NUFIP2: variants seen among roughly 807,000 people sequenced by gnomAD.
NUFIP2 encodes the protein nuclear FMR1 interacting protein 2, also known as FMR1-interacting protein NUFIP2.
NUFIP2 carries 6 observed loss-of-function variants against 56.9 expected under a neutral mutation model. The observed-to-expected ratio is 0.11, with a 90% CI of 0.06 to 0.21. The LOEUF is 0.21. Among genes scored for constraint, NUFIP2 ranks in the 10% least tolerant of loss-of-function variants. The pLI, the probability that NUFIP2 is intolerant of heterozygous loss-of-function variation, is 1.00. For synonymous variants in NUFIP2, 321 were observed against 298.2 expected (o/e 1.08, Z -0.79); for missense variants, 828 against 826.8 (o/e 1.00, Z -0.02).
At chr17:29,290,963 G>A (rs2069208405) in intron 1 of NUFIP2, among the ~76,000 whole-genome samples, 1 of 146,356 alleles carries the variant, frequency 6.8e-6, no homozygotes, top group South Asian at 2.1e-4. Context: ...TAGCGACTCA[G>A]ATACTGGAAA....
At chr17:29,279,202 C>G (rs1165846474) in intron 2 of NUFIP2, among the ~76,000 whole-genome samples, 1 of 152,190 alleles carries the variant, frequency 6.6e-6, no homozygotes, top group African/African-American at 2.4e-5. Context: ...AGATCCTTCT[C>G]TGAACAATGT....
chr17:29,266,928 C>A (rs1044811429), intron 3 of NUFIP2, among the ~76,000 whole-genome samples: 20 of 151,272 alleles, frequency 1.3e-4, no homozygotes, highest in Non-Finnish European at 2.7e-4. Context: ...TTGGAGATGG[C>A]GTTTCGCTCT....
chr17:29,283,485 G>GC (rs2069152596), intron 2 of NUFIP2, among the ~76,000 whole-genome samples: 1 of 151,978 alleles, frequency 6.6e-6, no homozygotes, highest in Non-Finnish European at 1.5e-5. Flanking sequence ...ACTACACATT[G>GC]TTGCCCAGGC....
rs2069183111 is a variant in NUFIP2 at position 29,287,259 on chromosome 17, CATT to C, written c.732_734del (p.Ile244del). ...AGGTTGGGACACTGGTCTCTTGTTG[CATT>C]ATTTTGTCCTGCACTATATTAAGGT... On this transcript the variant is annotated inframe_deletion, in exon 2 of 4. Transcript: ENST00000225388. 7 of 1,614,154 alleles carry C rather than the reference CATT, an allele frequency of 4.3e-6. No homozygotes were observed. The highest frequency in any genetic ancestry group is 1.3e-5 in the African/African-American group (1 of 75,030).
intron 1 of NUFIP2, 48 bp downstream of exon 1, chr17:29,293,735 T>G (rs1239962043): frequency 6.9e-5 from 70 of 1,012,332 alleles, no homozygotes; most frequent in Non-Finnish European, 8.7e-5. Flanking sequence ...CCATCTCTCC[T>G]GTCCTCCACC....
In NUFIP2 at chr17:29,256,000, A is replaced by G. The variant is rs981067843; in HGVS notation, c.*8539T>C. ...AACACTGAACATGATGAAGACATCA[A>G]TAAAGGAAGATCATCACGTAAATGA... On this transcript the variant is annotated 3_prime_UTR_variant, in exon 4 of 4. Transcript: ENST00000225388. 3.9e-5 allele frequency: 6 copies of G among 152,260 alleles called. No homozygotes were observed. The highest frequency in any genetic ancestry group is 1.4e-4 in the African/African-American group (6 of 41,474). The allele number at this position is 152,260 out of a possible 1,614,324, so 9.4% of individuals were successfully genotyped here. A position where few individuals can be genotyped will look rare whatever the true frequency, so the allele number is the denominator to read the frequency against.
At chr17:29,270,514 T>C (rs1252028058) in intron 2 of NUFIP2, among the ~76,000 whole-genome samples, 3 of 152,080 alleles carry the variant, frequency 2.0e-5, no homozygotes, top group Admixed American at 1.3e-4. Context: ...CTTCTCTTGG[T>C]TGACCTACTG....
Position 29,294,000 on chromosome 17 carries a change from G to T in NUFIP2, c.60C>A (p.His20Gln). 6.2e-7 allele frequency: 1 copy of T among 1,613,216 alleles called. No homozygotes were observed. Among genetic ancestry groups the T allele is most frequent in the Non-Finnish European group, 8.5e-7 (1 of 1,179,454 alleles). The part of the protein sequence containing the change: ...PQHHHSHHHP[H>Q]HHPQQQQQQP... ...GCTGCTGCTGCTGCTGAGGGTGATG[G>T]TGCGGATGGTGGTGGCTGTGATGGT... is the stretch of plus-strand genomic sequence containing the variant. The change falls in exon 1 of 4, where the codon CAC (histidine) becomes CAA (glutamine). Residue 20 changes from histidine to glutamine, a missense_variant. Physicochemically the swap from His to Gln is conservative, Grantham distance 24. Around this residue, in one of 3 missense-constraint regions of NUFIP2, gnomAD observed 415 missense variants for 408.7 expected, o/e 1.02. Coordinates refer to ENST00000225388, the MANE Select transcript of NUFIP2 (RefSeq NM_020772.3).
In NUFIP2 at chr17:29,286,850, A is replaced by G; in HGVS notation, c.1144T>C (p.Ser382Pro). Residue 382 changes from serine to proline, a missense_variant, in exon 2 of 4, where the codon TCA becomes CCA. Around this residue, in one of 3 missense-constraint regions of NUFIP2, gnomAD observed 404 missense variants for 380.3 expected, o/e 1.06. Transcript: ENST00000225388. ...GTTTCCCCGGTAGATGATGAAGATG[A>G]TGAAGATGAAGTTGGTGACACAGAA... is the stretch of plus-strand genomic sequence containing the variant. ...NSSVSPTSSS[S>P]SSSSTGETQT... 3 of 1,614,184 alleles carry G rather than the reference A, an allele frequency of 1.9e-6. No homozygotes were observed. Among genetic ancestry groups the G allele is most frequent in the African/African-American group, 1.3e-5 (1 of 75,046 alleles).
rs35098158 is a variant in NUFIP2 at position 29,265,711 on chromosome 17, TAA to T, written c.2036-1122_2036-1121del. 7.7e-3 allele frequency among the ~76,000 whole-genome samples: 859 copies of T among 112,126 alleles called. 6 individuals are homozygous for T. Among genetic ancestry groups the T allele is most frequent in the Middle Eastern group, 0.02 (4 of 200 alleles). The allele number at this position is 112,126 out of a possible 152,430, so 73.6% of individuals were successfully genotyped here. ...AAGAACTTTTTCAAGTATACATGCT[TAA>T]AAAAAAAAAAAAAAAAGGCAAGTCA... is the stretch of plus-strand genomic sequence containing the variant. On this transcript the variant is annotated intron_variant, in intron 3 of 3. Coordinates refer to ENST00000225388, the MANE Select transcript of NUFIP2 (RefSeq NM_020772.3).
chr17:29,286,640 A>T lies in NUFIP2; in HGVS notation c.1354T>A (p.Ser452Thr). The change falls in exon 2 of 4, where the codon TCA (serine) becomes ACA (threonine). Residue 452 changes from serine to threonine, a missense_variant. By Grantham distance (58) the Ser-to-Thr change is moderately conservative. Coordinates refer to ENST00000225388, the MANE Select transcript of NUFIP2 (RefSeq NM_020772.3). The stretch of plus-strand genomic sequence containing the variant: ...GTTAGACTCATGTCCTGGAGAACTG[A>T]ATCTGTCCCAGAAGAGATGGGTGTT... Reference protein sequence around the residue: ...TLTPISSGTDSVLQDMSLTSA... With the variant: ...TLTPISSGTDTVLQDMSLTSA... The T allele has an allele frequency of 6.2e-7, 1 of 1,614,174 alleles. No individual in the cohort carries two copies. The highest frequency in any genetic ancestry group is 8.5e-7 in the Non-Finnish European group (1 of 1,180,016).
intron 2 of NUFIP2, among the ~76,000 whole-genome samples, chr17:29,272,976 A>G (rs2069084886): frequency 1.3e-5 from 2 of 151,454 alleles, no homozygotes; most frequent in African/African-American, 4.9e-5. Context: ...CAGCCTCCCA[A>G]ATAGCTGGGA....
At chr17:29,281,840 C>A (rs28469523) in intron 2 of NUFIP2, among the ~76,000 whole-genome samples, 2 of 151,396 alleles carry the variant, frequency 1.3e-5, no homozygotes, top group Non-Finnish European at 2.9e-5. Flanking sequence ...TCTCAGCTCA[C>A]TGCAACTTCC....
At position 29,287,473 on chromosome 17, in the gene NUFIP2, T is replaced by A; in HGVS notation, c.521A>T (p.Glu174Val). ...NGKSYENKSG[E>V]NQSVDKSDTI... ...ATCAGACTTATCTACAGACTGATTC[T>A]CTCCAGATTTATTTTCATAAGACTT... Residue 174 changes from glutamate to valine, a missense_variant, in exon 2 of 4, where the codon GAG becomes GTG. Physicochemically the swap from Glu to Val is moderately radical, Grantham distance 121. Coordinates refer to ENST00000225388, the MANE Select transcript of NUFIP2 (RefSeq NM_020772.3). 6.2e-7 allele frequency: 1 copy of A among 1,614,120 alleles called. No homozygotes were observed. The highest frequency in any genetic ancestry group is 8.5e-7 in the Non-Finnish European group (1 of 1,179,988).
chr17:29,285,306 A>C (rs2069166137), intron 2 of NUFIP2, among the ~76,000 whole-genome samples: 1 of 151,780 alleles, frequency 6.6e-6, no homozygotes, highest in Non-Finnish European at 1.5e-5. Flanking sequence ...TCTCAAAAAC[A>C]AATAAGCAAA....
intron 1 of NUFIP2, 37 bp downstream of exon 1, chr17:29,293,746 C>A: frequency 2.9e-6 from 4 of 1,360,500 alleles, no homozygotes; most frequent in Admixed American, 2.0e-5. Context: ...GTCCTCCACC[C>A]CCAACCCCCT....
chr17:29,288,323 G>T (rs2069190746), intron 1 of NUFIP2, among the ~76,000 whole-genome samples: 1 of 152,244 alleles, frequency 6.6e-6, no homozygotes, highest in Non-Finnish European at 1.5e-5. Flanking sequence ...AGGATTACAG[G>T]CGTGAGCCAC....
At chr17:29,274,201 T>C (rs1457255358) in intron 2 of NUFIP2, among the ~76,000 whole-genome samples, 1 of 152,194 alleles carries the variant, frequency 6.6e-6, no homozygotes, top group African/African-American at 2.4e-5. Context: ...AAAGTTTTAA[T>C]GAGGGCCTGT....
At chr17:29,271,367 T>A (rs1298173933) in intron 2 of NUFIP2, among the ~76,000 whole-genome samples, 1 of 151,838 alleles carries the variant, frequency 6.6e-6, no homozygotes, top group African/African-American at 2.4e-5. Flanking sequence ...TGAAACCCCG[T>A]CTCTACTAAA....
Sources: allele counts gnomAD v4.1 joint callset (sites outside exome capture counted in the v4.1 genomes callset), GRCh38; gene constraint gnomAD v4.1.1; regional missense constraint gnomAD v4.1.1; transcripts MANE v1.5; gene names NCBI Gene and HGNC (gene_info 2026-07-23, HGNC 2026-07-21).